Variants in SH3PXD2A observed in about 807,000 individuals in gnomAD.
SH3PXD2A encodes the protein SH3 and PX domain-containing protein 2A.
A neutral mutation model predicts 115.2 loss-of-function variants in SH3PXD2A; 32 were observed. The observed-to-expected ratio is 0.28, with a 90% confidence interval of 0.21 to 0.37. The LOEUF (loss-of-function observed/expected upper bound fraction) is 0.37. SH3PXD2A is among the 10% of genes least tolerant of loss of function. SH3PXD2A has a pLI of 1.00. For synonymous variants in SH3PXD2A, 610 were observed against 629.1 expected (o/e 0.97, Z 0.45); for missense variants, 1,328 against 1,498.7 (o/e 0.89, Z 1.88).
Position 103,598,775 on chromosome 10 carries a change from G to A in SH3PXD2A, c.*3041C>T, listed in dbSNP as rs1442767899. Reference sequence around the variant, plus strand: ...GCCCTCTCGCCCTGGCTAGGGCTAGGAGGCCAGGCGCACAAGGCCTGGTAC... The same window carrying A: ...GCCCTCTCGCCCTGGCTAGGGCTAGAAGGCCAGGCGCACAAGGCCTGGTAC... On this transcript the variant is annotated 3_prime_UTR_variant, in exon 15 of 15. Coordinates refer to ENST00000369774, the MANE Select transcript of SH3PXD2A (RefSeq NM_001394015.1). The A allele has an allele frequency of 6.6e-6, 1 of 152,648 alleles. No individual in the cohort carries two copies. The highest frequency in any genetic ancestry group is 1.5e-5 in the Non-Finnish European group (1 of 68,054). 9.5% of individuals were successfully genotyped at this position (152,648 alleles called of 1,614,324 possible).
chr10:103,854,736 A>T (rs1003541914), intron 1 of SH3PXD2A, among the ~76,000 whole-genome samples: 3 of 152,154 alleles, frequency 2.0e-5, no homozygotes, highest in African/African-American at 7.2e-5. Flanking sequence ...AGGCCTAGGA[A>T]GGCAGAGACA....
At chr10:103,697,292 C>T (rs1234886055) in intron 5 of SH3PXD2A, among the ~76,000 whole-genome samples, 1 of 152,148 alleles carries the variant, frequency 6.6e-6, no homozygotes, top group African/African-American at 2.4e-5. Context: ...GTGGCCGGCA[C>T]AGAAACTGCT....
At chr10:103,698,202 C>T (rs565020115) in intron 5 of SH3PXD2A, among the ~76,000 whole-genome samples, 23 of 152,290 alleles carry the variant, frequency 1.5e-4, no homozygotes, top group African/African-American at 5.1e-4. Flanking sequence ...CACTGAGGCA[C>T]GGGAGAGAGA....
At chr10:103,652,212 T>C (rs906422027) in intron 8 of SH3PXD2A, among the ~76,000 whole-genome samples, 6 of 152,214 alleles carry the variant, frequency 3.9e-5, no homozygotes, top group Non-Finnish European at 2.9e-5. Context: ...ATGATAATCA[T>C]GCACGGCATA....
At chr10:103,605,248 A>G (rs1287787582) in intron 14 of SH3PXD2A, among the ~76,000 whole-genome samples, 1 of 152,194 alleles carries the variant, frequency 6.6e-6, no homozygotes, top group Non-Finnish European at 1.5e-5. Context: ...GCCAGAGCCC[A>G]GGTCCCCAGT....
At chr10:103,727,774 ATTT>A (rs1456873867) in intron 4 of SH3PXD2A, among the ~76,000 whole-genome samples, 10 of 152,296 alleles carry the variant, frequency 6.6e-5, no homozygotes, top group South Asian at 6.2e-4. Context: ...CAGCATCTTT[ATTT>A]AACGGGGAGC....
chr10:103,715,251 C>T (rs944622986), intron 5 of SH3PXD2A, among the ~76,000 whole-genome samples: 4 of 152,346 alleles, frequency 2.6e-5, no homozygotes, highest in Middle Eastern at 3.4e-3. Flanking sequence ...CATTTTGCCA[C>T]ATGTACCACG....
chr10:103,744,400 G>A (rs1017003121), intron 3 of SH3PXD2A, among the ~76,000 whole-genome samples: 5 of 151,844 alleles, frequency 3.3e-5, no homozygotes. Flanking sequence ...TGATCCGCCC[G>A]CCTCAGCCTC....
intron 2 of SH3PXD2A, among the ~76,000 whole-genome samples, chr10:103,794,092 C>T (rs1232555776): frequency 2.0e-5 from 3 of 152,170 alleles, no homozygotes; most frequent in Non-Finnish European, 4.4e-5. Flanking sequence ...CATTCCAAGG[C>T]TGGTTGTTAG....
At chr10:103,685,201 T>C (rs1032355692) in intron 6 of SH3PXD2A, among the ~76,000 whole-genome samples, 1 of 151,948 alleles carries the variant, frequency 6.6e-6, no homozygotes, top group East Asian at 1.9e-4. Flanking sequence ...TAGCTGGGCA[T>C]GGTGGCGGAC....
chr10:103,672,347 A>G (rs1400765990), intron 6 of SH3PXD2A, among the ~76,000 whole-genome samples: 1 of 152,204 alleles, frequency 6.6e-6, no homozygotes, highest in African/African-American at 2.4e-5. Flanking sequence ...ATTTGGGCCT[A>G]TTGCTCTTGT....
At chr10:103,659,695 C>T (rs2037262727) in intron 8 of SH3PXD2A, among the ~76,000 whole-genome samples, 1 of 152,196 alleles carries the variant, frequency 6.6e-6, no homozygotes, top group Admixed American at 6.5e-5. Context: ...GTGATGACTC[C>T]AGGCACAAGG....
At position 103,847,665 on chromosome 10, in the gene SH3PXD2A, G is replaced by A. The variant is rs142327828; in HGVS notation, c.72+7530C>T. On this transcript the variant is annotated intron_variant, in intron 1 of 14. Coordinates refer to ENST00000369774, the MANE Select transcript of SH3PXD2A (RefSeq NM_001394015.1). ...AAACTAAAACAAGTTCAGGCCAGGC[G>A]CAGCGGGTCACACTTGTAATCCCAG... Among the ~76,000 whole-genome samples the A allele has an allele frequency of 5.6e-3, 847 of 152,234 alleles. 5 individuals carry two copies. The highest frequency in any genetic ancestry group is 0.014 in the Middle Eastern group (4 of 294).
In SH3PXD2A at chr10:103,724,274, T is replaced by C; in HGVS notation, c.394A>G (p.Lys132Glu). The change falls in exon 5 of 15, where the codon AAA becomes GAA. Residue 132 changes from lysine (K) to glutamate (E), a missense_variant. This residue lies in a region of SH3PXD2A where 90 missense variants were observed against 71.1 expected (regional missense o/e 1.27). Transcript: ENST00000369774. ...EARPEDVNPPKEDYGSSKRKS... is the reference protein window; with the variant it reads ...EARPEDVNPPEEDYGSSKRKS... ...GAGGCCTGAGCTATTACTTACTCTT[T>C]TGGAGGGTTGACATCCTCGGGTCGA... 1.9e-6 allele frequency: 3 copies of C among 1,562,540 alleles called. No individual in the cohort carries two copies. Among genetic ancestry groups the C allele is most frequent in the Non-Finnish European group, 2.6e-6 (3 of 1,154,156 alleles).
chr10:103,628,392 G>T (rs1240306101), intron 8 of SH3PXD2A, among the ~76,000 whole-genome samples: 2 of 152,032 alleles, frequency 1.3e-5, no homozygotes, highest in Non-Finnish European at 2.9e-5. Flanking sequence ...TTGCAGCTCT[G>T]CAAAGCCCAT....
intron 3 of SH3PXD2A, among the ~76,000 whole-genome samples, chr10:103,755,849 G>A (rs1013477495): frequency 3.9e-5 from 6 of 152,144 alleles, no homozygotes; most frequent in Admixed American, 2.0e-4. Context: ...GTTTGGGCCT[G>A]GGGAGAAACA....
At chr10:103,692,337 C>A (rs551979919) in intron 6 of SH3PXD2A, among the ~76,000 whole-genome samples, 1 of 152,112 alleles carries the variant, frequency 6.6e-6, no homozygotes, top group Admixed American at 6.5e-5. Context: ...GCCTCCACCC[C>A]CTTCCAAACT....
intron 1 of SH3PXD2A, among the ~76,000 whole-genome samples, chr10:103,841,169 T>A (rs2039593906): frequency 1.3e-5 from 2 of 152,188 alleles, no homozygotes; most frequent in African/African-American, 4.8e-5. Flanking sequence ...ATGAAGCCTT[T>A]GTCCAGGGAT....
In SH3PXD2A at chr10:103,844,426, G is replaced by A. The variant is rs75869046; in HGVS notation, c.72+10769C>T. Among the ~76,000 whole-genome samples the A allele has an allele frequency of 1.7e-3, 262 of 152,308 alleles. 1 individual carries two copies. Among genetic ancestry groups the A allele is most frequent in the African/African-American group, 6.1e-3 (253 of 41,570 alleles). ...CCCTTAAAATAGCCTTTTGGGTCTG[G>A]GCCATCAGGAAATGGGATAACGCTG... On this transcript the variant is annotated intron_variant, in intron 1 of 14. Transcript: ENST00000369774.
Sources: allele counts gnomAD v4.1 joint callset (sites outside exome capture counted in the v4.1 genomes callset), GRCh38; gene constraint gnomAD v4.1.1; regional missense constraint gnomAD v4.1.1; transcripts MANE v1.5; gene names NCBI Gene and HGNC (gene_info 2026-07-23, HGNC 2026-07-21).